The following DSCAM variants were observed in gnomAD, a reference collection of about 807,000 sequenced individuals.
The protein encoded by DSCAM is DS cell adhesion molecule, also known as cell adhesion molecule DSCAM.
A neutral mutation model predicts 217.7 loss-of-function variants in DSCAM; 47 were observed. The ratio of observed to expected loss-of-function variants is 0.22; its 90% CI spans 0.17 to 0.28. The LOEUF (loss-of-function observed/expected upper bound fraction) is 0.28, where lower values mean the gene tolerates loss of function less well. DSCAM is among the 10% of genes least tolerant of loss of function. The pLI is 1.00. For synonymous variants in DSCAM, 1,056 were observed against 1,015.3 expected (o/e 1.04, Z -0.76); for missense variants, 2,080 against 2,618.3 (o/e 0.79, Z 4.49).
At chr21:40,406,436 T>C (rs1022623964) in intron 3 of DSCAM, among the ~76,000 whole-genome samples, 1 of 152,156 alleles carries the variant, frequency 6.6e-6, no homozygotes, top group Admixed American at 6.5e-5. Context: ...AGAAAATATG[T>C]ATAAACCATG....
rs192143296 is a variant in DSCAM at position 40,402,228 on chromosome 21, G to A, written c.509-32983C>T. Reference sequence around the variant, plus strand: ...ACTACAGGCGCCCGCCACCACGCCCGGCTAATTTTTTTTTGTATTTTTAGT... The same window carrying A: ...ACTACAGGCGCCCGCCACCACGCCCAGCTAATTTTTTTTTGTATTTTTAGT... On this transcript the variant is annotated intron_variant, in intron 3 of 32. Coordinates refer to ENST00000400454, the MANE Select transcript of DSCAM (RefSeq NM_001389.5). 2.7e-3 allele frequency among the ~76,000 whole-genome samples: 414 copies of A among 150,652 alleles called. 16 individuals are homozygous for A. Among genetic ancestry groups the A allele is most frequent in the Admixed American group, 0.026 (387 of 14,976 alleles).
chr21:40,837,853 T>C (rs1288486823), intron 1 of DSCAM, among the ~76,000 whole-genome samples: 2 of 152,196 alleles, frequency 1.3e-5, no homozygotes, highest in East Asian at 3.9e-4. Flanking sequence ...TCACAGGTAA[T>C]ATTCCAAAGC....
At chr21:40,300,256 G>C (rs1487754886) in intron 9 of DSCAM, among the ~76,000 whole-genome samples, 1 of 152,048 alleles carries the variant, frequency 6.6e-6, no homozygotes, top group East Asian at 1.9e-4. Context: ...TTTCCAAAAT[G>C]GTACCTGTTC....
chr21:40,451,538 T>C (rs763987649), intron 3 of DSCAM, among the ~76,000 whole-genome samples: 13 of 152,176 alleles, frequency 8.5e-5, no homozygotes, highest in Non-Finnish European at 1.9e-4. Flanking sequence ...TCATGTCATA[T>C]TAAGTCTGCA....
At chr21:40,054,533 T>C (rs1015575456) in intron 29 of DSCAM, among the ~76,000 whole-genome samples, 11 of 152,208 alleles carry the variant, frequency 7.2e-5, no homozygotes, top group African/African-American at 2.7e-4. Context: ...AGCTGGGCTA[T>C]GTGCTGAGAG....
intron 20 of DSCAM, among the ~76,000 whole-genome samples, chr21:40,113,032 T>C (rs552450774): frequency 1.1e-4 from 16 of 152,058 alleles, no homozygotes; most frequent in South Asian, 2.1e-4. Context: ...TTCCAATCAA[T>C]AGAAAAAGAG....
chr21:40,759,245 G>A (rs1324669918), intron 1 of DSCAM, among the ~76,000 whole-genome samples: 3 of 151,988 alleles, frequency 2.0e-5, no homozygotes, highest in East Asian at 2.0e-4. Context: ...AGCCTCCCAC[G>A]TGCTCCAAGC....
chr21:40,338,239 G>A lies in DSCAM; in HGVS notation c.1645C>T (p.Arg549Cys). Residue 549 changes from arginine (R) to cysteine (C), a missense_variant, in exon 8 of 33, where the codon CGC becomes TGC. Arg to Cys is a radical substitution (Grantham distance 180). Coordinates refer to ENST00000400454, the MANE Select transcript of DSCAM (RefSeq NM_001389.5). ...KNSNLLPFNH[R>C]QVAFENNGTL... ...CCATTGTTCTCAAATGCCACTTGGC[G>A]GTGGTTGAAAGGAAGCAGGTTAGAG... The A allele has an allele frequency of 1.9e-6, 3 of 1,614,274 alleles. No individual in the cohort carries two copies. Among genetic ancestry groups the A allele is most frequent in the Non-Finnish European group, 2.5e-6 (3 of 1,180,048 alleles).
At chr21:40,376,568 T>TATATAG (rs1555911095) in intron 3 of DSCAM, among the ~76,000 whole-genome samples, 1,199 of 48,228 alleles carry the variant, frequency 0.025, 138 homozygotes, top group African/African-American at 0.05. Context: ...CTATATATCT[T>TATATAG]ATATCGATAT....
At chr21:40,617,733 C>T (rs144758543) in intron 3 of DSCAM, among the ~76,000 whole-genome samples, 2 of 152,232 alleles carry the variant, frequency 1.3e-5, no homozygotes, top group Non-Finnish European at 2.9e-5. Context: ...TGCCATATGA[C>T]TTCTGGGGTC....
intron 5 of DSCAM, among the ~76,000 whole-genome samples, chr21:40,352,020 T>C (rs2074636322): frequency 6.6e-6 from 1 of 152,194 alleles, no homozygotes; most frequent in Admixed American, 6.5e-5. Flanking sequence ...GGAATAGGTT[T>C]TTATTAACCC....
At chr21:40,065,587 G>T (rs548811206) in intron 27 of DSCAM, among the ~76,000 whole-genome samples, 1 of 152,124 alleles carries the variant, frequency 6.6e-6, no homozygotes, top group Non-Finnish European at 1.5e-5. Context: ...CAGAGCTGGG[G>T]CCACTGCCAC....
intron 32 of DSCAM, among the ~76,000 whole-genome samples, chr21:40,041,343 C>T (rs1487077913): frequency 1.3e-5 from 2 of 152,184 alleles, no homozygotes; most frequent in African/African-American, 4.8e-5. Flanking sequence ...GAGAACTACA[C>T]TTGGCTGCCA....
chr21:40,207,757 T>C (rs952812913), intron 11 of DSCAM, among the ~76,000 whole-genome samples: 2 of 152,226 alleles, frequency 1.3e-5, no homozygotes, highest in African/African-American at 4.8e-5. Flanking sequence ...GACTTTATTA[T>C]CTCACAGTCC....
intron 26 of DSCAM, among the ~76,000 whole-genome samples, chr21:40,075,610 G>A (rs1454253618): frequency 6.6e-6 from 1 of 152,180 alleles, no homozygotes; most frequent in African/African-American, 2.4e-5. Flanking sequence ...ATGAACAAAA[G>A]GTTGGGCAAA....
At chr21:40,427,813 C>T (rs2075490128) in intron 3 of DSCAM, among the ~76,000 whole-genome samples, 1 of 152,166 alleles carries the variant, frequency 6.6e-6, no homozygotes, top group African/African-American at 2.4e-5. Flanking sequence ...GCTATGTCTT[C>T]CTGTGAGCTT....
intron 11 of DSCAM, among the ~76,000 whole-genome samples, chr21:40,228,257 A>G (rs979645700): frequency 6.6e-6 from 1 of 152,124 alleles, no homozygotes; most frequent in Non-Finnish European, 1.5e-5. Context: ...TTCTCTTTCC[A>G]TGTCGTCCTT....
chr21:40,040,689 C>T (rs1467272262), intron 32 of DSCAM, among the ~76,000 whole-genome samples: 4 of 152,180 alleles, frequency 2.6e-5, no homozygotes, highest in African/African-American at 9.7e-5. Context: ...GCCTCCTCTG[C>T]TGACCCCTTC....
intron 3 of DSCAM, among the ~76,000 whole-genome samples, chr21:40,565,309 T>C (rs1259488667): frequency 2.0e-5 from 3 of 152,200 alleles, no homozygotes; most frequent in Admixed American, 6.5e-5. Flanking sequence ...AGTTCTACTC[T>C]TATAGAACAG....
Sources: gnomAD v4.1 joint callset for allele counts (sites outside exome capture counted in the v4.1 genomes callset) on GRCh38, gnomAD v4.1.1 for gene constraint, MANE v1.5 for transcripts, NCBI Gene and HGNC (gene_info 2026-07-23, HGNC 2026-07-21) for gene names.